FCRL1: variants seen among roughly 807,000 people sequenced by gnomAD.
FCRL1 encodes the protein Fc receptor like 1, also known as Fc receptor-like protein 1.
In FCRL1, 34 loss-of-function variants were observed where a neutral mutation model predicts 49.2. The observed-to-expected ratio is 0.69, with a 90% CI of 0.53 to 0.92. FCRL1 has a LOEUF of 0.92. FCRL1 is among the 40% of genes least tolerant of loss of function. The probability of loss-of-function intolerance (pLI) is 0.00; values close to 1 mark genes in which losing one functional copy is unlikely to be tolerated. For synonymous variants in FCRL1, 218 were observed against 201.6 expected (o/e 1.08, Z -0.69); for missense variants, 524 against 524.1 (o/e 1.00, Z 0.00).
chr1:157,805,106 C>T (rs941869246), intron 2 of FCRL1, among the ~76,000 whole-genome samples: 2 of 152,142 alleles, frequency 1.3e-5, no homozygotes, highest in African/African-American at 4.8e-5. Context: ...AGTGATCCTA[C>T]TGCCTTGGCA....
chr1:157,798,849 G>A (rs1166712833), intron 7 of FCRL1, among the ~76,000 whole-genome samples: 1 of 152,114 alleles, frequency 6.6e-6, no homozygotes, highest in Non-Finnish European at 1.5e-5. Flanking sequence ...AAATGTACAT[G>A]TATCTTACCT....
At chr1:157,797,804 T>G (rs1246341609) in intron 9 of FCRL1, 64 bp downstream of exon 9, 2 of 1,613,294 alleles carry the variant, frequency 1.2e-6, no homozygotes, top group South Asian at 2.2e-5. Flanking sequence ...GCACAGCCAC[T>G]GATTGTTCTC....
At position 157,803,016 on chromosome 1, in the gene FCRL1, C is replaced by T. The variant is rs114534234; in HGVS notation, c.320-352G>A. Among the ~76,000 whole-genome samples, 1,038 of 152,320 alleles carry T rather than the reference C, an allele frequency of 6.8e-3. 14 individuals carry two copies. Among genetic ancestry groups the T allele is most frequent in the African/African-American group, 0.024 (986 of 41,562 alleles). On this transcript the variant is annotated intron_variant, in intron 3 of 10. Coordinates refer to ENST00000368176, the MANE Select transcript of FCRL1 (RefSeq NM_052938.5). Reference sequence around the variant, plus strand: ...TGCCTTATTTGAAGAGTGGTTCCAACTCTTTTACTCGTTGTGTGTGCTTGA... The same window carrying T: ...TGCCTTATTTGAAGAGTGGTTCCAATTCTTTTACTCGTTGTGTGTGCTTGA...
chr1:157,815,526 C>G (rs1402966219), intron 1 of FCRL1, among the ~76,000 whole-genome samples: 1 of 151,658 alleles, frequency 6.6e-6, no homozygotes, highest in Non-Finnish European at 1.5e-5. Context: ...AATAGGTAAC[C>G]TAACGTTTCA....
Position 157,811,205 on chromosome 1 carries a change from C to G in FCRL1, c.32-4083G>C, listed in dbSNP as rs182649806. On this transcript the variant is annotated intron_variant, in intron 1 of 10. Coordinates refer to ENST00000368176, the MANE Select transcript of FCRL1 (RefSeq NM_052938.5). ...GATGGCTGACTAGAGGTGTCTATTA[C>G]TCATCCTCCTCCCCGCCTAAAAAAA... Among the ~76,000 whole-genome samples, 121 of 152,264 alleles carry G rather than the reference C, an allele frequency of 7.9e-4. 1 individual carries two copies. Among genetic ancestry groups the G allele is most frequent in the African/African-American group, 2.7e-3 (114 of 41,548 alleles).
intron 7 of FCRL1, among the ~76,000 whole-genome samples, chr1:157,798,669 A>C (rs1651941380): frequency 6.6e-6 from 1 of 152,154 alleles, no homozygotes; most frequent in African/African-American, 2.4e-5. Context: ...AAAAAAAAAG[A>C]ATACCTGTTT....
chr1:157,818,165 G>C (rs923610794), intron 1 of FCRL1, among the ~76,000 whole-genome samples: 8 of 152,066 alleles, frequency 5.3e-5, no homozygotes, highest in African/African-American at 1.9e-4. Flanking sequence ...CATGTATCCA[G>C]AGGAAATTAA....
At position 157,795,814 on chromosome 1, in the gene FCRL1, C is replaced by G. The variant is rs931005290; in HGVS notation, c.*285G>C. ...AATTTCTTTTATTCCATCTTGTTTC[C>G]TCTTGTAAACAGAAGAGCACAATAT... On this transcript the variant is annotated 3_prime_UTR_variant, in exon 11 of 11. Transcript: ENST00000368176. The G allele has an allele frequency of 6.7e-6, 2 of 298,884 alleles. No homozygotes were observed. Among genetic ancestry groups the G allele is most frequent in the Non-Finnish European group, 1.3e-5 (2 of 157,674 alleles). 18.5% of individuals were successfully genotyped at this position (298,884 alleles called of 1,614,324 possible). A position where few individuals can be genotyped will look rare whatever the true frequency, so the allele number is the denominator to read the frequency against.
Position 157,795,859 on chromosome 1 carries a change from C to A in FCRL1, c.*240G>T. 2.3e-6 allele frequency: 1 copy of A among 440,426 alleles called. No individual in the cohort carries two copies. The highest frequency in any genetic ancestry group is 4.1e-6 in the Non-Finnish European group (1 of 243,124). 27.3% of individuals were successfully genotyped at this position (440,426 alleles called of 1,614,324 possible). ...CAATATGACCTGTTTTCAAAGGAGC[C>A]GGCAGGAATCTGGTTCTGATAACAA... On this transcript the variant is annotated 3_prime_UTR_variant, in exon 11 of 11. Transcript: ENST00000368176.
At chr1:157,813,267 T>A (rs1383747047) in intron 1 of FCRL1, among the ~76,000 whole-genome samples, 1 of 152,190 alleles carries the variant, frequency 6.6e-6, no homozygotes, top group African/African-American at 2.4e-5. Flanking sequence ...AACTGGAGAT[T>A]TATTAATTGC....
chr1:157,801,186 G>A (rs924171573), intron 6 of FCRL1, among the ~76,000 whole-genome samples: 38 of 152,188 alleles, frequency 2.5e-4, no homozygotes, highest in African/African-American at 6.7e-4. Context: ...CACCGCCCCC[G>A]GCCAAATCAT....
rs149585769 is a variant in FCRL1, at chr1:157,795,070, T to C, written c.*1029A>G. On this transcript the variant is annotated 3_prime_UTR_variant, in exon 11 of 11. Transcript: ENST00000368176. ...CAGGAAAGACTTTAACTTTTTACTT[T>C]ATATACCTCCAAATGTTTATTAATT... The C allele has an allele frequency of 6.6e-6, 1 of 152,358 alleles. No individual in the cohort carries two copies. Among genetic ancestry groups the C allele is most frequent in the East Asian group, 1.9e-4 (1 of 5,188 alleles). 9.4% of individuals were successfully genotyped at this position (152,358 alleles called of 1,614,324 possible). A position where few individuals can be genotyped will look rare whatever the true frequency, so the allele number is the denominator to read the frequency against.
intron 2 of FCRL1, among the ~76,000 whole-genome samples, chr1:157,806,205 G>C (rs1441529848): frequency 3.3e-5 from 5 of 152,172 alleles, no homozygotes; most frequent in African/African-American, 1.2e-4. Flanking sequence ...CAAGTCATCA[G>C]TTATACTTGG....
chr1:157,799,878 C>G (rs77076989), intron 7 of FCRL1, among the ~76,000 whole-genome samples, 180 bp downstream of exon 7: 2 of 151,644 alleles, frequency 1.3e-5, no homozygotes, highest in Non-Finnish European at 2.9e-5. Flanking sequence ...CATTAATGTA[C>G]GAAATCTAAA....
At chr1:157,812,193 T>C (rs1654423309) in intron 1 of FCRL1, among the ~76,000 whole-genome samples, 1 of 152,154 alleles carries the variant, frequency 6.6e-6, no homozygotes, top group Non-Finnish European at 1.5e-5. Flanking sequence ...AGCCTAAGTG[T>C]CCTGCCTGAA....
chr1:157,797,829 G>A, intron 9 of FCRL1, 39 bp downstream of exon 9: 3 of 1,614,018 alleles, frequency 1.9e-6, no homozygotes, highest in Non-Finnish European at 2.5e-6. Context: ...TTCTGGGAAA[G>A]ACAAAAGTCA....
intron 5 of FCRL1, 71 bp downstream of exon 5, chr1:157,801,844 C>T: frequency 1.3e-6 from 2 of 1,536,194 alleles, no homozygotes; most frequent in Admixed American, 3.9e-5. Context: ...AGCACAGTGG[C>T]ACCAGCAAAA....
rs1016140252 is a variant in FCRL1 at position 157,798,257 on chromosome 1, G to A, written c.1032-14C>T. 6.3e-7 allele frequency: 1 copy of A among 1,588,650 alleles called. No homozygotes were observed. The highest frequency in any genetic ancestry group is 1.4e-5 in the African/African-American group (1 of 73,938). ...CTGGGAAGGCTCCTGCAAACACAGA[G>A]ACACATGTTATTTATCTGAAATTGC... On this transcript the variant is annotated splice_polypyrimidine_tract_variant and intron_variant, in intron 7 of 10. Transcript: ENST00000368176.
At chr1:157,807,044 C>A (rs866252912) in intron 2 of FCRL1, 58 bp downstream of exon 2, 21 of 1,603,666 alleles carry the variant, frequency 1.3e-5, no homozygotes, top group Non-Finnish European at 1.8e-5. Context: ...GCCTCCTGTG[C>A]TGACCTAAGT....
Sources: gnomAD v4.1 joint callset for allele counts (sites outside exome capture counted in the v4.1 genomes callset) on GRCh38, gnomAD v4.1.1 for gene constraint, MANE v1.5 for transcripts, NCBI Gene and HGNC (gene_info 2026-07-23, HGNC 2026-07-21) for gene names.